PFKP: variants seen among roughly 807,000 people sequenced by gnomAD.
PFKP encodes phosphofructokinase, platelet.
PFKP carries 101 observed loss-of-function variants against 94.3 expected under a neutral mutation model. The observed-to-expected ratio is 1.07, with a 90% confidence interval of 0.91 to 1.26. The LOEUF is 1.26. Ranked by LOEUF, PFKP falls within the 50% of genes most tolerant of loss-of-function variation. The pLI, the probability that PFKP is intolerant of heterozygous loss-of-function variation, is 0.00. For synonymous variants in PFKP, 573 were observed against 432.6 expected (o/e 1.32, Z -4.03); for missense variants, 1,145 against 1,103.3 (o/e 1.04, Z -0.53).
At chr10:3,104,093 T>C (rs1264992110) in intron 5 of PFKP, 149 bp downstream of exon 5, 5 of 635,830 alleles carry the variant, frequency 7.9e-6, no homozygotes, top group Non-Finnish European at 1.3e-5. Context: ...GCCAGAACAT[T>C]GTTCTCTGGT....
At chr10:3,131,972 G>A (rs1361098308) in intron 17 of PFKP, among the ~76,000 whole-genome samples, 1 of 152,066 alleles carries the variant, frequency 6.6e-6, no homozygotes, top group African/African-American at 2.4e-5. Context: ...GTCAGACACT[G>A]CTCATCAGGC....
chr10:3,084,432 G>GT (rs142090566), intron 2 of PFKP, among the ~76,000 whole-genome samples: 10,059 of 152,122 alleles, frequency 0.066, 488 homozygotes, highest in Non-Finnish European at 0.096. Flanking sequence ...CTGGAAAGAG[G>GT]TTTTTTTGTT....
rs539691067 is a variant in PFKP at position 3,068,589 on chromosome 10, C to T, written c.112+882C>T. 3.0e-4 allele frequency: 255 copies of T among 836,706 alleles called. 2 individuals carry two copies. The African/African-American group carries it at 4.4e-3, about 14-fold the overall frequency. The allele number at this position is 836,706 out of a possible 1,614,324, so 51.8% of individuals were successfully genotyped here. A position where few individuals can be genotyped will look rare whatever the true frequency, so the allele number is the denominator to read the frequency against. On this transcript the variant is annotated intron_variant, in intron 1 of 21. Coordinates refer to ENST00000381125, the MANE Select transcript of PFKP (RefSeq NM_002627.5). ...TGGAAGCTGCTCTCTAGGAGGGGCC[C>T]GAGGCTGGGCCCACGGACGCGGGCG...
chr10:3,075,784 A>T (rs1300294412), intron 1 of PFKP, among the ~76,000 whole-genome samples: 1 of 151,156 alleles, frequency 6.6e-6, no homozygotes, highest in East Asian at 2.0e-4. Flanking sequence ...GCACACCTAC[A>T]GTCCCAGCCC....
intron 1 of PFKP, among the ~76,000 whole-genome samples, chr10:3,077,249 C>CTTTTTTTTTT (rs35306351): frequency 1.3e-4 from 14 of 108,176 alleles, no homozygotes; most frequent in Non-Finnish European, 2.0e-4. Flanking sequence ...CTATTCTTTA[C>CTTTTTTTTTT]TTTTTTTTTT....
chr10:3,086,232 C>A (rs948615953), intron 2 of PFKP, among the ~76,000 whole-genome samples: 1 of 152,320 alleles, frequency 6.6e-6, no homozygotes, highest in East Asian at 1.9e-4. Context: ...GCGGCCCTGA[C>A]GCTGTTGTGT....
intron 4 of PFKP, among the ~76,000 whole-genome samples, chr10:3,101,927 C>G (rs1345429578): frequency 6.6e-6 from 1 of 152,190 alleles, no homozygotes; most frequent in African/African-American, 2.4e-5. Flanking sequence ...AGCCCTCACA[C>G]TGTGTCCCTC....
At chr10:3,083,156 G>A (rs1283541388) in intron 2 of PFKP, among the ~76,000 whole-genome samples, 2 of 152,202 alleles carry the variant, frequency 1.3e-5, no homozygotes, top group Non-Finnish European at 1.5e-5. Flanking sequence ...AATTTCCAAT[G>A]TAGGCTGAAT....
At chr10:3,135,666 C>A (rs1588591461) in intron 20 of PFKP, 70 bp from the exon 21 acceptor site, 1 of 922,610 alleles carries the variant, frequency 1.1e-6, no homozygotes, top group Non-Finnish European at 1.7e-6. Flanking sequence ...CTCATCTCGC[C>A]CCGTGATTCT....
rs192240746 is a variant in PFKP, at chr10:3,087,147, C to G, written c.186+4686C>G. Among the ~76,000 whole-genome samples, 5 of 152,056 alleles carry G rather than the reference C, an allele frequency of 3.3e-5. No individual in the cohort carries two copies. The South Asian group carries it at 1.0e-3, about 31-fold the overall frequency. The stretch of plus-strand genomic sequence containing the variant: ...CTAATTTTTGTATTTTTGGTAGAGA[C>G]GGGGTTTCAACATGTTGGCCAGGCT... On this transcript the variant is annotated intron_variant, in intron 2 of 21. Coordinates refer to ENST00000381125, the MANE Select transcript of PFKP (RefSeq NM_002627.5).
intron 3 of PFKP, among the ~76,000 whole-genome samples, chr10:3,100,111 A>C (rs1302311549): frequency 6.8e-6 from 1 of 147,862 alleles, no homozygotes. Flanking sequence ...GAGAATGGGA[A>C]TGGCACCCAC....
intron 13 of PFKP, among the ~76,000 whole-genome samples, chr10:3,113,977 C>T (rs1329121986): frequency 4.6e-5 from 7 of 151,978 alleles, no homozygotes; most frequent in Non-Finnish European, 1.0e-4. Context: ...TGTGTTCACC[C>T]ATTTAAGCCT....
rs1402140395 is a variant in PFKP, at chr10:3,099,753, CAG to C, written c.264+402_264+403del. Among the ~76,000 whole-genome samples, 5 of 152,208 alleles carry C rather than the reference CAG, an allele frequency of 3.3e-5. No homozygotes were observed. In the East Asian group the frequency reaches 5.8e-4, roughly 18 times the overall value. ...CAGGAGAGTGTGGGCTGAATTCACA[CAG>C]GGGAGCGTTTCCATTCTGCGGTCGT... On this transcript the variant is annotated intron_variant, in intron 3 of 21. Transcript: ENST00000381125.
At chr10:3,103,653 C>A in intron 4 of PFKP, 126 bp from the exon 5 acceptor site, 1 of 895,284 alleles carries the variant, frequency 1.1e-6, no homozygotes, top group South Asian at 1.7e-5. Context: ...AGAAATGATA[C>A]CAATAACAAA....
intron 2 of PFKP, among the ~76,000 whole-genome samples, chr10:3,083,419 G>C (rs1588410321): frequency 6.6e-6 from 1 of 152,152 alleles, no homozygotes; most frequent in East Asian, 1.9e-4. Flanking sequence ...ATAAAACATA[G>C]CTTTAAAAAT....
intron 10 of PFKP, 59 bp downstream of exon 10, chr10:3,109,539 G>A (rs1835958002): frequency 2.5e-6 from 4 of 1,575,652 alleles, no homozygotes; most frequent in African/African-American, 1.3e-5. Context: ...GAAGCTGCTT[G>A]TCAGGCCAGC....
intron 16 of PFKP, 187 bp from the exon 17 acceptor site, chr10:3,129,632 G>T: frequency 3.2e-6 from 2 of 634,576 alleles, no homozygotes; most frequent in East Asian, 5.9e-5. Flanking sequence ...GGTTGCGGGG[G>T]ACCACGTTCA....
chr10:3,093,661 T>TTTTTG (rs1834234003), intron 2 of PFKP, among the ~76,000 whole-genome samples: 2 of 107,722 alleles, frequency 1.9e-5, no homozygotes, highest in Admixed American at 9.0e-5. Context: ...TTTTTTTTTT[T>TTTTTG]GAGACAGAGT....
chr10:3,095,749 TG>T (rs1408888261), intron 2 of PFKP, among the ~76,000 whole-genome samples: 1 of 152,228 alleles, frequency 6.6e-6, no homozygotes, highest in East Asian at 1.9e-4. Context: ...GTAGTACGTT[TG>T]GGCAAAATGA....
Sources: allele counts gnomAD v4.1 joint callset (sites outside exome capture counted in the v4.1 genomes callset), GRCh38; gene constraint gnomAD v4.1.1; transcripts MANE v1.5; gene names NCBI Gene and HGNC (gene_info 2026-07-23, HGNC 2026-07-21).